Variants in HNRNPLL observed in about 807,000 individuals in gnomAD.
The protein encoded by HNRNPLL is heterogeneous nuclear ribonucleoprotein L like, also known as heterogeneous nuclear ribonucleoprotein L-like.
In HNRNPLL, 25 loss-of-function variants were observed where a neutral mutation model predicts 67.1. That is an observed-to-expected ratio of 0.37 (90% confidence interval 0.27 to 0.52). The LOEUF is 0.52. Among genes scored for constraint, HNRNPLL ranks in the 20% least tolerant of loss-of-function variants. The probability of loss-of-function intolerance (pLI) is 0.90; values close to 1 mark genes in which losing one functional copy is unlikely to be tolerated. For missense variants in HNRNPLL, 542 were observed against 673.9 expected (o/e 0.80, Z 2.17); for synonymous variants, 267 against 241.7 (o/e 1.10, Z -0.97).
intron 10 of HNRNPLL, among the ~76,000 whole-genome samples, 162 bp downstream of exon 10, chr2:38,568,971 A>G (rs149469005): frequency 2.2e-3 from 329 of 152,356 alleles, no homozygotes; most frequent in Middle Eastern, 0.02. Flanking sequence ...GGAGGCCAGA[A>G]AAGTACAATG....
chr2:38,573,179 G>T, intron 8 of HNRNPLL, 31 bp downstream of exon 8: 1 of 1,448,628 alleles, frequency 6.9e-7, no homozygotes, highest in Non-Finnish European at 9.5e-7. Flanking sequence ...GAATATCCTA[G>T]CAAAAGAAAC....
In HNRNPLL at chr2:38,569,137, G is replaced by T; in HGVS notation, c.1412C>A (p.Thr471Lys). 1 of 1,595,946 alleles carries T rather than the reference G, an allele frequency of 6.3e-7. No homozygotes were observed. The highest frequency in any genetic ancestry group is 8.6e-7 in the Non-Finnish European group (1 of 1,163,454). ...VPLCVTEETFTKLCNDHEVLT... is the reference protein window; with the variant it reads ...VPLCVTEETFKKLCNDHEVLT... The stretch of plus-strand genomic sequence containing the variant: ...CATTTGTATTTCAGTGCCTACCTTT[G>T]TGAAGGTCTCTTCTGTGACACACAA... Residue 471 changes from threonine to lysine, a missense_variant, in exon 10 of 13, where the codon ACA becomes AAA. This residue lies in a region of HNRNPLL where 415 missense variants were observed against 575.2 expected (regional missense o/e 0.72). Coordinates refer to ENST00000449105, the MANE Select transcript of HNRNPLL (RefSeq NM_138394.4).
At position 38,563,724 on chromosome 2, in the gene HNRNPLL, TTAAAA is replaced by T. The variant is rs1665744025; in HGVS notation, c.*453_*457del. 6.5e-6 allele frequency: 1 copy of T among 153,460 alleles called. No individual in the cohort carries two copies. Among genetic ancestry groups the T allele is most frequent in the Non-Finnish European group, 1.4e-5 (1 of 68,968 alleles). 9.5% of individuals were successfully genotyped at this position (153,460 alleles called of 1,614,324 possible). ...TATGTAACGTTATTCTCAAACTTCA[TTAAAA>T]TAATAAATATACAAGTTATGTTTAA... On this transcript the variant is annotated 3_prime_UTR_variant, in exon 13 of 13. Transcript: ENST00000449105.
chr2:38,594,240 C>T (rs1253964499), intron 1 of HNRNPLL, among the ~76,000 whole-genome samples: 3 of 152,016 alleles, frequency 2.0e-5, no homozygotes, highest in Non-Finnish European at 4.4e-5. Context: ...CTTTATTAGA[C>T]AATAGTTAAA....
intron 12 of HNRNPLL, chr2:38,565,968 G>GT (rs144643949): frequency 0.077 from 65,087 of 846,766 alleles, 1,938 homozygotes; most frequent in African/African-American, 0.16. Context: ...ATCATTCATT[G>GT]TTTTTTTTTC....
chr2:38,574,620 A>G (rs1260244945), intron 7 of HNRNPLL, among the ~76,000 whole-genome samples: 7 of 151,780 alleles, frequency 4.6e-5, no homozygotes, highest in African/African-American at 1.5e-4. Context: ...GTGGACTCCA[A>G]TTTTTGGTAT....
Position 38,569,257 on chromosome 2 carries a change from G to T in HNRNPLL, c.1292C>A (p.Ala431Glu). ...EDGTSSYKDF[A>E]MSKNNRFTSA... Reference sequence around the variant, plus strand: ...TGTAAAGCGATTATTTTTGCTCATTGCAAAATCTTTGTAGCTGCTGGTACC... The same window carrying T: ...TGTAAAGCGATTATTTTTGCTCATTTCAAAATCTTTGTAGCTGCTGGTACC... Residue 431 changes from alanine to glutamate, a missense_variant, in exon 10 of 13, where the codon GCA (alanine) becomes GAA (glutamate). Physicochemically the swap from Ala to Glu is moderately radical, Grantham distance 107. Around this residue, in one of 2 missense-constraint regions of HNRNPLL, gnomAD observed 415 missense variants for 575.2 expected, o/e 0.72. Coordinates refer to ENST00000449105, the MANE Select transcript of HNRNPLL (RefSeq NM_138394.4). 6.2e-7 allele frequency: 1 copy of T among 1,613,210 alleles called. No homozygotes were observed. Among genetic ancestry groups the T allele is most frequent in the Non-Finnish European group, 8.5e-7 (1 of 1,179,344 alleles).
At chr2:38,593,483 G>A (rs1000720691) in intron 1 of HNRNPLL, among the ~76,000 whole-genome samples, 5 of 152,142 alleles carry the variant, frequency 3.3e-5, no homozygotes, top group African/African-American at 1.2e-4. Context: ...GAAATCAGGT[G>A]GCAAAGGTAA....
chr2:38,568,882 T>A (rs1272246165), intron 10 of HNRNPLL, among the ~76,000 whole-genome samples: 1 of 152,120 alleles, frequency 6.6e-6, no homozygotes, highest in East Asian at 1.9e-4. Context: ...ACTTTCTGAA[T>A]GCAGGATTAA....
At chr2:38,584,529 T>C (rs957929974) in intron 3 of HNRNPLL, among the ~76,000 whole-genome samples, 2 of 152,198 alleles carry the variant, frequency 1.3e-5, no homozygotes, top group African/African-American at 4.8e-5. Context: ...CTTCTGATGA[T>C]ATAAAATTAA....
intron 7 of HNRNPLL, among the ~76,000 whole-genome samples, chr2:38,575,849 CT>C (rs957260684): frequency 6.6e-6 from 1 of 151,710 alleles, no homozygotes; most frequent in Non-Finnish European, 1.5e-5. Context: ...GCTTTTTCCC[CT>C]ATTACTCATC....
intron 7 of HNRNPLL, among the ~76,000 whole-genome samples, chr2:38,576,799 C>A (rs1348093446): frequency 6.6e-6 from 1 of 151,754 alleles, no homozygotes; most frequent in Non-Finnish European, 1.5e-5. Context: ...TCAATAACTA[C>A]CACTAAAAAC....
intron 2 of HNRNPLL, among the ~76,000 whole-genome samples, chr2:38,589,591 G>A (rs573870427): frequency 1.3e-5 from 2 of 152,202 alleles, no homozygotes; most frequent in East Asian, 1.9e-4. Context: ...GCAAAATGAC[G>A]CAAATTAACT....
chr2:38,582,272 T>C (rs1437569009), intron 4 of HNRNPLL, 104 bp from the exon 5 acceptor site: 60 of 780,728 alleles, frequency 7.7e-5, no homozygotes, highest in Non-Finnish European at 1.2e-4. Flanking sequence ...CTTTTACTTC[T>C]GGAAATGTTT....
At chr2:38,597,982 C>T (rs1054814107) in intron 1 of HNRNPLL, among the ~76,000 whole-genome samples, 7 of 152,004 alleles carry the variant, frequency 4.6e-5, no homozygotes, top group Non-Finnish European at 8.8e-5. Flanking sequence ...CCACCGTGCC[C>T]GGCCAAGTCA....
At chr2:38,590,508 T>G (rs1666913614) in intron 2 of HNRNPLL, among the ~76,000 whole-genome samples, 1 of 152,186 alleles carries the variant, frequency 6.6e-6, no homozygotes, top group Admixed American at 6.5e-5. Flanking sequence ...CAACGCTAGA[T>G]TATCTATACT....
intron 1 of HNRNPLL, among the ~76,000 whole-genome samples, chr2:38,601,259 C>T (rs909063973): frequency 6.6e-5 from 10 of 152,148 alleles, no homozygotes; most frequent in Admixed American, 5.9e-4. Context: ...GCTCTCACAT[C>T]CTGGTAACTG....
intron 1 of HNRNPLL, 160 bp downstream of exon 1, chr2:38,602,278 A>C: frequency 1.5e-6 from 1 of 645,468 alleles, no homozygotes; most frequent in Non-Finnish European, 2.5e-6. Flanking sequence ...GGAAACAGGT[A>C]GAGGCCAGAA....
In HNRNPLL at chr2:38,602,525, G is replaced by A. The variant is rs1310468052; in HGVS notation, c.102C>T (p.Tyr34=). 3 of 1,554,942 alleles carry A rather than the reference G, an allele frequency of 1.9e-6. No homozygotes were observed. Among genetic ancestry groups the A allele is most frequent in the South Asian group, 2.4e-5 (2 of 84,574 alleles). ...RLKTEEGEID[Y]SAEEGENRRE... is the part of the protein sequence containing the mutation. ...GGCGGTTCTCGCCTTCCTCGGCCGAGTAGTCGATCTCCCCCTCCTCGGTCT... is the reference window on the plus strand; with the variant it reads ...GGCGGTTCTCGCCTTCCTCGGCCGAATAGTCGATCTCCCCCTCCTCGGTCT... Residue 34 remains tyrosine, a synonymous_variant, in exon 1 of 13, where the codon TAC becomes TAT. Coordinates refer to ENST00000449105, the MANE Select transcript of HNRNPLL (RefSeq NM_138394.4).
Sources: gnomAD v4.1 joint callset for allele counts (sites outside exome capture counted in the v4.1 genomes callset) on GRCh38, gnomAD v4.1.1 for gene constraint, gnomAD v4.1.1 regional missense constraint, MANE v1.5 for transcripts, NCBI Gene and HGNC (gene_info 2026-07-23, HGNC 2026-07-21) for gene names.